The following TASP1 variants were observed in gnomAD, a reference collection of about 807,000 sequenced individuals.
TASP1 encodes threonine aspartase 1.
TASP1 carries 16 observed loss-of-function variants against 56.6 expected under a neutral mutation model. That is an observed-to-expected ratio of 0.28 (90% CI 0.19 to 0.43). The LOEUF is 0.43. Among genes scored for constraint, TASP1 ranks in the 20% least tolerant of loss-of-function variants. The pLI, the probability that TASP1 is intolerant of heterozygous loss-of-function variation, is 1.00. For missense variants in TASP1, 393 were observed against 511.6 expected, an observed-to-expected ratio of 0.77 and a Z score of 2.24; for synonymous variants, 179 against 184.2, an observed-to-expected ratio of 0.97 and a Z score of 0.23.
the TASP1 span, among the ~76,000 whole-genome samples, chr20:13,344,795 G>T: frequency 6.6e-6 from 1 of 152,154 alleles, no homozygotes; most frequent in Non-Finnish European, 1.5e-5. Flanking sequence ...CTCTCCATCT[G>T]TGTGGGCTAT....
the TASP1 span, among the ~76,000 whole-genome samples, chr20:13,311,201 A>G: frequency 2.8e-5 from 4 of 140,518 alleles, no homozygotes; most frequent in African/African-American, 1.0e-4. Context: ...TCTCAAAAAA[A>G]TAGATATAGA....
intron 5 of TASP1, 113 bp downstream of exon 5, chr20:13,587,137 T>G: frequency 2.3e-6 from 3 of 1,325,360 alleles, no homozygotes; most frequent in Non-Finnish European, 3.0e-6. Flanking sequence ...GAACATTTGT[T>G]TTAAACACTA....
the TASP1 span, chr20:13,238,052 C>A: frequency 6.6e-6 from 1 of 152,208 alleles, no homozygotes; most frequent in Non-Finnish European, 1.5e-5. Flanking sequence ...CTTCAAAGCT[C>A]AATTGTAGAC....
intron 8 of TASP1, among the ~76,000 whole-genome samples, chr20:13,553,857 G>A (rs185697288): frequency 6.6e-6 from 1 of 152,116 alleles, no homozygotes; most frequent in East Asian, 1.9e-4. Context: ...ATTTTGTTTG[G>A]GAAGACAATG....
chr20:13,586,059 C>CA (rs1312014655), intron 5 of TASP1, among the ~76,000 whole-genome samples: 1 of 151,086 alleles, frequency 6.6e-6, no homozygotes, highest in African/African-American at 2.4e-5. Flanking sequence ...CAATTGAACC[C>CA]AGGAGGCAGA....
chr20:13,602,893 C>T (rs1024525738), intron 4 of TASP1, among the ~76,000 whole-genome samples: 3 of 152,092 alleles, frequency 2.0e-5, no homozygotes, highest in Admixed American at 1.3e-4. Flanking sequence ...AATATCTTCA[C>T]AATTGTTTTG....
At chr20:13,122,750 T>C in the TASP1 span, among the ~76,000 whole-genome samples, 1 of 152,190 alleles carries the variant, frequency 6.6e-6, no homozygotes, top group Non-Finnish European at 1.5e-5. Flanking sequence ...CTCTTCAGGG[T>C]CATTCAACCT....
chr20:13,246,676 A>G, the TASP1 span, among the ~76,000 whole-genome samples: 5,537 of 152,322 alleles, frequency 0.036, 175 homozygotes, highest in African/African-American at 0.077. Context: ...GACAATGGCA[A>G]AGCCATGATT....
At chr20:13,572,896 T>A (rs191855104) in intron 6 of TASP1, among the ~76,000 whole-genome samples, 5 of 152,240 alleles carry the variant, frequency 3.3e-5, no homozygotes, top group East Asian at 1.9e-4. Context: ...ATGTGTAATT[T>A]AGTGGTTCAG....
At chr20:13,164,954 C>A in the TASP1 span, 1 of 1,163,762 alleles carries the variant, frequency 8.6e-7, no homozygotes. Flanking sequence ...ATTTCTCCCC[C>A]TTCCTCAGGA....
At chr20:13,572,220 TAAATAA>T (rs1452255336) in intron 6 of TASP1, among the ~76,000 whole-genome samples, 1 of 152,148 alleles carries the variant, frequency 6.6e-6, no homozygotes, top group African/African-American at 2.4e-5. Context: ...TACTAAACAT[TAAATAA>T]AAATTGTCAA....
chr20:13,239,892 C>G, the TASP1 span, among the ~76,000 whole-genome samples: 6 of 152,196 alleles, frequency 3.9e-5, no homozygotes, highest in East Asian at 1.2e-3. Flanking sequence ...ACACAATCCC[C>G]CATTTCTGAA....
the TASP1 span, among the ~76,000 whole-genome samples, chr20:13,295,213 C>A: frequency 6.6e-6 from 1 of 152,312 alleles, no homozygotes; most frequent in East Asian, 1.9e-4. Context: ...CTTCTGATCC[C>A]ACCTGCTGTT....
chr20:13,221,802 TG>T, the TASP1 span: 1 of 1,454,626 alleles, frequency 6.9e-7, no homozygotes. Flanking sequence ...GCCGAGCTGC[TG>T]CTGCTGCTGG....
intron 13 of TASP1, chr20:13,392,757 A>T: frequency 1.7e-6 from 1 of 591,674 alleles, no homozygotes. Flanking sequence ...CTGGTAAAGC[A>T]GATGTTCTCA....
chr20:13,279,986 A>G, the TASP1 span: 1 of 1,304,608 alleles, frequency 7.7e-7, no homozygotes, highest in African/African-American at 1.5e-5. Flanking sequence ...AACCCTGCTT[A>G]GAGCATGTGG....
chr20:13,498,532 T>C (rs976911853), intron 10 of TASP1, among the ~76,000 whole-genome samples: 18 of 152,044 alleles, frequency 1.2e-4, no homozygotes, highest in Non-Finnish European at 2.4e-4. Flanking sequence ...CTAATTTTTG[T>C]ATTTTTAGTA....
At chr20:13,402,420 G>C (rs2041771425) in intron 13 of TASP1, among the ~76,000 whole-genome samples, 1 of 152,164 alleles carries the variant, frequency 6.6e-6, no homozygotes, top group Non-Finnish European at 1.5e-5. Flanking sequence ...GCATGAAAAA[G>C]AAACACAAGT....
the TASP1 span, among the ~76,000 whole-genome samples, chr20:13,214,324 G>C: frequency 6.6e-6 from 1 of 152,054 alleles, no homozygotes; most frequent in East Asian, 1.9e-4. Flanking sequence ...CAGCTTACCT[G>C]GGTGCTTTCT....
Sources: allele counts gnomAD v4.1 joint callset (sites outside exome capture counted in the v4.1 genomes callset), GRCh38; gene constraint gnomAD v4.1.1; transcripts MANE v1.5; gene names NCBI Gene and HGNC (gene_info 2026-07-23, HGNC 2026-07-21).